Variants in TMEM114 observed in about 807,000 individuals in gnomAD.
TMEM114 encodes claudin-26.
In TMEM114, 6 loss-of-function variants were observed where a neutral mutation model predicts 6.2. The ratio of observed to expected loss-of-function variants is 0.97; its 90% CI spans 0.53 to 1.91. The LOEUF (loss-of-function observed/expected upper bound fraction) is 1.91, where lower values mean the gene tolerates loss of function less well. TMEM114 is among the 40% of genes most tolerant of loss of function. TMEM114 has a pLI of 0.01. For missense variants in TMEM114, 218 were observed against 158.3 expected, an observed-to-expected ratio of 1.38 and a Z score of -2.02; for synonymous variants, 104 against 73.0, an observed-to-expected ratio of 1.42 and a Z score of -2.16.
chr16:8,551,906 G>A (rs374523715), intron 2 of TMEM114, among the ~76,000 whole-genome samples: 1 of 152,170 alleles, frequency 6.6e-6, no homozygotes. Context: ...ATACTACTCA[G>A]CAATGAAAAG....
Position 8,569,698 on chromosome 16 carries a change from C to G in TMEM114, c.*75G>C. 1 of 1,466,630 alleles carries G rather than the reference C, an allele frequency of 6.8e-7. No individual in the cohort carries two copies. Among genetic ancestry groups the G allele is most frequent in the Non-Finnish European group, 9.0e-7 (1 of 1,108,234 alleles). 90.9% of individuals were successfully genotyped at this position (1,466,630 alleles called of 1,614,324 possible). On this transcript the variant is annotated 3_prime_UTR_variant, in exon 4 of 4. Transcript: ENST00000620492. Reference sequence around the variant, plus strand: ...GAGTGGCCTTTGAGGAAGAAGAGGCCGCAGCCGATGGAGATCGGTCGGTGA... The same window carrying G: ...GAGTGGCCTTTGAGGAAGAAGAGGCGGCAGCCGATGGAGATCGGTCGGTGA...
chr16:8,562,162 TAGTGAATG>T lies in TMEM114; in HGVS notation n.213-24344_213-24337del, dbSNP rs1237301092. The stretch of plus-strand genomic sequence containing the variant: ...TGAGTGAGTTAGTGAATAAGTGAGT[TAGTGAATG>T]AGTGAATGAGTCAGTGAGTGAGTGA... On this transcript the variant is annotated intron_variant and non_coding_transcript_variant, in intron 2 of 2. Coordinates refer to the TMEM114 transcript ENST00000623677. Among the ~76,000 whole-genome samples the T allele has an allele frequency of 2.5e-4, 29 of 113,794 alleles. 1 individual carries two copies. The highest frequency in any genetic ancestry group is 6.8e-4 in the Admixed American group (8 of 11,736). 74.7% of individuals were successfully genotyped at this position (113,794 alleles called of 152,430 possible).
chr16:8,551,906 G>T lies in TMEM114; in HGVS notation n.213-14080C>A, dbSNP rs374523715. 1.8e-4 allele frequency among the ~76,000 whole-genome samples: 27 copies of T among 152,288 alleles called. No individual in the cohort carries two copies. The East Asian group carries it at 3.7e-3, about 21-fold the overall frequency. ...CATCAGAACCATGGAATACTACTCA[G>T]CAATGAAAAGGAGCAAATGCAACAA... On this transcript the variant is annotated intron_variant and non_coding_transcript_variant, in intron 2 of 2. Transcript: ENST00000623677.
chr16:8,584,466 T>C (rs1441813677), intron 2 of TMEM114, among the ~76,000 whole-genome samples: 1 of 152,206 alleles, frequency 6.6e-6, no homozygotes, highest in East Asian at 1.9e-4. Flanking sequence ...TGGATTTTGC[T>C]GACAAGGAAC....
chr16:8,558,863 C>G (rs567538461), intron 2 of TMEM114, among the ~76,000 whole-genome samples: 2 of 151,388 alleles, frequency 1.3e-5, no homozygotes, highest in Admixed American at 6.6e-5. Flanking sequence ...GCCTCAGCCT[C>G]CCGAGTAGCT....
chr16:8,539,303 T>C (rs1176453546), intron 2 of TMEM114, among the ~76,000 whole-genome samples: 1 of 152,062 alleles, frequency 6.6e-6, no homozygotes, highest in Non-Finnish European at 1.5e-5. Context: ...GTCCTTTTCC[T>C]CTGAGAAGGG....
chr16:8,534,634 G>A (rs1900304443), downstream of TMEM114, among the ~76,000 whole-genome samples: 1 of 152,216 alleles, frequency 6.6e-6, no homozygotes, highest in Non-Finnish European at 1.5e-5. Flanking sequence ...GGGTGCTGAA[G>A]GCAGAGGTGC....
At chr16:8,539,688 G>C (rs1045256648) in intron 2 of TMEM114, among the ~76,000 whole-genome samples, 2 of 151,626 alleles carry the variant, frequency 1.3e-5, no homozygotes, top group Non-Finnish European at 2.9e-5. Flanking sequence ...CCACAAGCAA[G>C]ACAGATGTTG....
intron 2 of TMEM114, among the ~76,000 whole-genome samples, chr16:8,542,062 G>A (rs1267747828): frequency 6.6e-6 from 1 of 152,174 alleles, no homozygotes; most frequent in Non-Finnish European, 1.5e-5. Context: ...AGGCAGAAAT[G>A]CAGCAGAAGC....
chr16:8,553,149 C>T (rs1312198178), intron 2 of TMEM114, among the ~76,000 whole-genome samples: 5 of 152,232 alleles, frequency 3.3e-5, no homozygotes, highest in Non-Finnish European at 5.9e-5. Flanking sequence ...GTGCCGATCG[C>T]AGCCGTTTCA....
At chr16:8,553,764 A>G (rs765675871) in intron 2 of TMEM114, among the ~76,000 whole-genome samples, 7 of 152,140 alleles carry the variant, frequency 4.6e-5, no homozygotes, top group Non-Finnish European at 7.4e-5. Flanking sequence ...TACAGGCGTG[A>G]GCCACTGCGC....
chr16:8,564,085 G>T (rs1022128951), intron 2 of TMEM114, among the ~76,000 whole-genome samples: 1 of 149,756 alleles, frequency 6.7e-6, no homozygotes, highest in Non-Finnish European at 1.5e-5. Flanking sequence ...GCATGAATGA[G>T]TGAGTGAGTG....
downstream of TMEM114, among the ~76,000 whole-genome samples, chr16:8,568,249 G>C (rs1901611058): frequency 6.6e-6 from 1 of 152,212 alleles, no homozygotes; most frequent in Non-Finnish European, 1.5e-5. Context: ...ACCCCAGAGA[G>C]CAAGGTCTGG....
downstream of TMEM114, among the ~76,000 whole-genome samples, chr16:8,567,069 T>G (rs1342529495): frequency 9.5e-6 from 1 of 105,012 alleles, no homozygotes; most frequent in Admixed American, 9.2e-5. Context: ...GCTGGCTATT[T>G]TTTTTTTTTT....
At chr16:8,576,334 C>T (rs1470776968) in intron 2 of TMEM114, among the ~76,000 whole-genome samples, 1 of 152,214 alleles carries the variant, frequency 6.6e-6, no homozygotes, top group South Asian at 2.1e-4. Context: ...GACACCCCAT[C>T]AAAGCCCGAA....
intron 2 of TMEM114, among the ~76,000 whole-genome samples, chr16:8,541,372 A>G (rs1900511746): frequency 6.6e-6 from 1 of 152,154 alleles, no homozygotes; most frequent in African/African-American, 2.4e-5. Context: ...AAGACCACAG[A>G]CATAAACCAG....
intron 2 of TMEM114, among the ~76,000 whole-genome samples, chr16:8,558,257 A>C (rs1901079355): frequency 6.6e-6 from 1 of 152,182 alleles, no homozygotes; most frequent in African/African-American, 2.4e-5. Context: ...CAAAAAGAAA[A>C]AGAAAAAAAA....
intron 2 of TMEM114, among the ~76,000 whole-genome samples, chr16:8,538,748 C>T (rs972908566): frequency 1.1e-4 from 16 of 152,176 alleles, no homozygotes; most frequent in Admixed American, 7.2e-4. Flanking sequence ...CCTCGTGATC[C>T]GCCCACCTCG....
chr16:8,555,477 T>A (rs559179810), intron 2 of TMEM114, among the ~76,000 whole-genome samples: 111 of 151,276 alleles, frequency 7.3e-4, no homozygotes, highest in African/African-American at 2.5e-3. Context: ...TTCCGGGTGG[T>A]GGGGAGGTGT....
Sources: allele counts gnomAD v4.1 joint callset (sites outside exome capture counted in the v4.1 genomes callset), GRCh38; gene constraint gnomAD v4.1.1; transcripts MANE v1.5; gene names NCBI Gene and HGNC (gene_info 2026-07-23, HGNC 2026-07-21).